PDE8B: variants seen among roughly 807,000 people sequenced by gnomAD.
PDE8B encodes the protein phosphodiesterase 8B, also known as high affinity cAMP-specific and IBMX-insensitive 3',5'-cyclic phosphodiesterase 8B.
PDE8B carries 26 observed loss-of-function variants against 101.3 expected under a neutral mutation model. That is an observed-to-expected ratio of 0.26 (90% CI 0.19 to 0.36). PDE8B has a LOEUF of 0.36. PDE8B is among the 10% of genes least tolerant of loss of function. The pLI is 1.00. For missense variants in PDE8B, 810 were observed against 1,163.1 expected (o/e 0.70, Z 4.42); for synonymous variants, 424 against 429.3 (o/e 0.99, Z 0.15).
At position 77,421,834 on chromosome 5, in the gene PDE8B, A is replaced by G. The variant is rs1474588360; in HGVS notation, c.2264A>G (p.Asp755Gly). 6.2e-7 allele frequency: 1 copy of G among 1,614,106 alleles called. No homozygotes were observed. Among genetic ancestry groups the G allele is most frequent in the Non-Finnish European group, 8.5e-7 (1 of 1,179,998 alleles). Residue 755 changes from aspartate to glycine, a missense_variant, in exon 20 of 22, where the codon GAC (aspartate) becomes GGC (glycine). This residue lies in a region of PDE8B where 325 missense variants were observed against 560.9 expected (regional missense o/e 0.58). Coordinates refer to ENST00000264917, the MANE Select transcript of PDE8B (RefSeq NM_003719.5). ...KPMAAEIEGS[D>G]CECNPAGKNF... ...TCTGTTTTCCAGATTGAAGGCAGCGACTGTGAATGCAACCCTGCTGGGAAG... is the reference window on the plus strand; with the variant it reads ...TCTGTTTTCCAGATTGAAGGCAGCGGCTGTGAATGCAACCCTGCTGGGAAG...
chr5:77,264,234 A>C (rs1761218200), intron 1 of PDE8B, among the ~76,000 whole-genome samples: 1 of 152,256 alleles, frequency 6.6e-6, no homozygotes, highest in Admixed American at 6.5e-5. Context: ...ATGAACAATC[A>C]TGTACAACTT....
intron 20 of PDE8B, among the ~76,000 whole-genome samples, chr5:77,423,632 G>GGTTTTTTTTTT (rs1797206130): frequency 1.4e-5 from 1 of 74,042 alleles, no homozygotes; most frequent in Non-Finnish European, 2.6e-5. Flanking sequence ...GTTTTGTTTA[G>GGTTTTTTTTTT]TTTTTTTTTT....
the PDE8B span, among the ~76,000 whole-genome samples, chr5:77,126,096 C>T: frequency 6.6e-6 from 1 of 152,176 alleles, no homozygotes; most frequent in South Asian, 2.1e-4. Context: ...ACCATCCTGG[C>T]TAACACGGTG....
chr5:77,166,226 TAAAAAA>T, the PDE8B span, among the ~76,000 whole-genome samples: 1 of 116,374 alleles, frequency 8.6e-6, no homozygotes, highest in Non-Finnish European at 1.7e-5. Context: ...TCGGTAAAGA[TAAAAAA>T]AAAAAAAAAA....
the PDE8B span, among the ~76,000 whole-genome samples, chr5:77,106,483 T>A: frequency 6.6e-6 from 1 of 152,232 alleles, no homozygotes; most frequent in Admixed American, 6.5e-5. Context: ...ATTTCTGGAC[T>A]GTCTCTGCCA....
At chr5:77,199,775 G>A in the PDE8B span, among the ~76,000 whole-genome samples, 1 of 152,150 alleles carries the variant, frequency 6.6e-6, no homozygotes. Flanking sequence ...AAAAACACAA[G>A]AGAAGTATAT....
intron 8 of PDE8B, among the ~76,000 whole-genome samples, chr5:77,350,400 A>G (rs1246897371): frequency 7.2e-5 from 11 of 152,206 alleles, no homozygotes; most frequent in Non-Finnish European, 1.6e-4. Context: ...ACCAAGGTGC[A>G]TACCAATTAG....
chr5:77,294,975 G>C (rs968530400), intron 1 of PDE8B, among the ~76,000 whole-genome samples: 1 of 151,354 alleles, frequency 6.6e-6, no homozygotes, highest in Admixed American at 6.6e-5. Context: ...ACCAAACCCC[G>C]TTGTGTACTG....
At chr5:77,197,685 A>G in the PDE8B span, among the ~76,000 whole-genome samples, 20 of 78,920 alleles carry the variant, frequency 2.5e-4, no homozygotes, top group Non-Finnish European at 4.2e-4. Context: ...CGGTCTATCA[A>G]TTTAGTTAAT....
At chr5:77,115,460 A>G in the PDE8B span, 4 of 152,256 alleles carry the variant, frequency 2.6e-5, no homozygotes, top group Non-Finnish European at 4.4e-5. Flanking sequence ...CAGAGGGGAC[A>G]TATGGTCCAG....
At chr5:77,314,001 C>T (rs1047221049) in intron 2 of PDE8B, among the ~76,000 whole-genome samples, 1 of 152,128 alleles carries the variant, frequency 6.6e-6, no homozygotes, top group African/African-American at 2.4e-5. Flanking sequence ...AGGTTGTAAA[C>T]ATTTACTTCT....
the PDE8B span, among the ~76,000 whole-genome samples, chr5:77,109,974 G>T: frequency 9.6e-6 from 1 of 104,588 alleles, no homozygotes; most frequent in Non-Finnish European, 1.7e-5. Flanking sequence ...GTCTCACTCT[G>T]TCATCCAGGC....
chr5:77,311,934 G>A (rs1318847611), intron 1 of PDE8B, 60 bp from the exon 2 acceptor site: 4 of 1,290,534 alleles, frequency 3.1e-6, no homozygotes, highest in Non-Finnish European at 4.5e-6. Context: ...GCGTAAGGAA[G>A]GATGTATCCA....
intron 1 of PDE8B, among the ~76,000 whole-genome samples, chr5:77,305,836 C>T (rs1423177903): frequency 6.6e-6 from 1 of 152,172 alleles, no homozygotes; most frequent in East Asian, 1.9e-4. Context: ...TATTTCTGTG[C>T]CCACAGCTGG....
At chr5:77,372,589 C>CT in intron 10 of PDE8B, among the ~76,000 whole-genome samples, 1 of 152,294 alleles carries the variant, frequency 6.6e-6, no homozygotes, top group East Asian at 1.9e-4. Context: ...ATAAGAAGAT[C>CT]TTTTTTCCCC....
At chr5:77,368,874 A>G (rs895733318) in intron 10 of PDE8B, among the ~76,000 whole-genome samples, 1 of 152,144 alleles carries the variant, frequency 6.6e-6, no homozygotes, top group Non-Finnish European at 1.5e-5. Context: ...AAAGAAAAGC[A>G]AAGAGGTGTG....
the PDE8B span, among the ~76,000 whole-genome samples, chr5:77,153,601 G>C: frequency 2.1e-5 from 3 of 143,468 alleles, no homozygotes. Context: ...TTGAGACGGA[G>C]TCTCACTCTG....
chr5:77,421,795 G>C (rs1194403171), intron 19 of PDE8B, 26 bp from the exon 20 acceptor site: 3 of 1,612,418 alleles, frequency 1.9e-6, no homozygotes, highest in African/African-American at 1.3e-5. Flanking sequence ...CTTGAACCAA[G>C]CCTGATCTGA....
chr5:77,225,559 T>C (rs532848702), intron 1 of PDE8B, among the ~76,000 whole-genome samples: 1 of 152,318 alleles, frequency 6.6e-6, no homozygotes, highest in South Asian at 2.1e-4. Flanking sequence ...GGAACCTAAT[T>C]ATTTTTATTG....
Sources: gnomAD v4.1 joint callset for allele counts (sites outside exome capture counted in the v4.1 genomes callset) on GRCh38, gnomAD v4.1.1 for gene constraint, gnomAD v4.1.1 regional missense constraint, MANE v1.5 for transcripts, NCBI Gene and HGNC (gene_info 2026-07-23, HGNC 2026-07-21) for gene names.